Variants in UBASH3B observed in about 807,000 individuals in gnomAD.
The protein encoded by UBASH3B is ubiquitin-associated and SH3 domain-containing protein B.
Under a neutral mutation model 83.4 loss-of-function variants are expected in UBASH3B, and 37 were observed. The observed-to-expected ratio is 0.44, with a 90% CI of 0.34 to 0.58. The LOEUF is 0.58. UBASH3B is among the 20% of genes least tolerant of loss of function. The pLI is 0.01. For synonymous variants in UBASH3B, 304 were observed against 318.3 expected (o/e 0.96, Z 0.48); for missense variants, 657 against 827.2 (o/e 0.79, Z 2.52).
intron 1 of UBASH3B, among the ~76,000 whole-genome samples, chr11:122,676,891 C>T (rs571164197): frequency 4.6e-5 from 7 of 152,298 alleles, no homozygotes; most frequent in South Asian, 4.1e-4. Flanking sequence ...TTATGAAAGC[C>T]GCCTTTATCA....
chr11:122,807,186 A>G (rs551027992), intron 12 of UBASH3B, among the ~76,000 whole-genome samples: 67 of 152,326 alleles, frequency 4.4e-4, no homozygotes, highest in African/African-American at 1.5e-3. Flanking sequence ...AACATGTTCT[A>G]TCAACCAGGA....
At chr11:122,672,489 C>T (rs1863610311) in intron 1 of UBASH3B, among the ~76,000 whole-genome samples, 1 of 152,048 alleles carries the variant, frequency 6.6e-6, no homozygotes, top group African/African-American at 2.4e-5. Context: ...CCACACCCAG[C>T]TACTTTTTGT....
rs138086207 is a variant in UBASH3B at position 122,745,152 on chromosome 11, C to A, written c.162-31067C>A. 3.0e-4 allele frequency among the ~76,000 whole-genome samples: 45 copies of A among 152,308 alleles called. No individual in the cohort carries two copies. The East Asian group carries it at 6.9e-3, about 24-fold the overall frequency. On this transcript the variant is annotated intron_variant, in intron 1 of 13. Coordinates refer to ENST00000284273, the MANE Select transcript of UBASH3B (RefSeq NM_032873.5). ...CCACACTGAAAGACTCACCTCTCAG[C>A]TTGTATCTTTTTTTTCTCTCAAACT... is the stretch of plus-strand genomic sequence containing the variant.
At chr11:122,735,202 T>C (rs11218786) in intron 1 of UBASH3B, among the ~76,000 whole-genome samples, 2,962 of 152,302 alleles carry the variant, frequency 0.019, 36 homozygotes, top group Non-Finnish European at 0.03. Flanking sequence ...CAATAGCATA[T>C]ATTTCTCGTT....
chr11:122,766,936 G>A (rs1247674620), intron 1 of UBASH3B, among the ~76,000 whole-genome samples: 7 of 152,214 alleles, frequency 4.6e-5, no homozygotes, highest in East Asian at 1.9e-4. Context: ...GCTGACAGGA[G>A]TCTGGGGGAG....
intron 1 of UBASH3B, among the ~76,000 whole-genome samples, chr11:122,694,974 TTTTTTTTG>T (rs1863947160): frequency 7.6e-6 from 1 of 132,382 alleles, no homozygotes; most frequent in Non-Finnish European, 1.6e-5. Flanking sequence ...TTTTTTTTTT[TTTTTTTTG>T]AGGTGGAGTC....
At chr11:122,707,469 T>C (rs902004598) in intron 1 of UBASH3B, among the ~76,000 whole-genome samples, 1 of 152,200 alleles carries the variant, frequency 6.6e-6, no homozygotes, top group African/African-American at 2.4e-5. Flanking sequence ...GCACTTGCCA[T>C]GATAAAAGAC....
intron 1 of UBASH3B, among the ~76,000 whole-genome samples, chr11:122,707,712 T>A (rs1864140264): frequency 6.6e-6 from 1 of 152,128 alleles, no homozygotes; most frequent in South Asian, 2.1e-4. Context: ...TTATTTATTT[T>A]TTTTGAGATG....
At chr11:122,754,425 G>A (rs926469058) in intron 1 of UBASH3B, among the ~76,000 whole-genome samples, 1 of 152,220 alleles carries the variant, frequency 6.6e-6, no homozygotes, top group African/African-American at 2.4e-5. Flanking sequence ...TATTACATCT[G>A]GGAGGACATC....
At position 122,655,832 on chromosome 11, in the gene UBASH3B, C is replaced by T. The variant is rs779678247; in HGVS notation, c.-218C>T. 208 of 507,894 alleles carry T rather than the reference C, an allele frequency of 4.1e-4. No homozygotes were observed. Among genetic ancestry groups the T allele is most frequent in the Non-Finnish European group, 6.1e-4 (181 of 297,658 alleles). The allele number at this position is 507,894 out of a possible 1,614,324, so 31.5% of individuals were successfully genotyped here. A position where few individuals can be genotyped will look rare whatever the true frequency, so the allele number is the denominator to read the frequency against. On this transcript the variant is annotated 5_prime_UTR_variant, in exon 1 of 14. Transcript: ENST00000284273. The stretch of plus-strand genomic sequence containing the variant: ...GGGGGCCCGAGTGGCTGAGGCTGGT[C>T]CCGCAGCGGCCGCTTGCCGGCGTTC...
chr11:122,722,947 C>T (rs751994752), intron 1 of UBASH3B, among the ~76,000 whole-genome samples: 4 of 152,080 alleles, frequency 2.6e-5, no homozygotes, highest in African/African-American at 7.2e-5. Flanking sequence ...TCTCATGATC[C>T]GCCCATCTCG....
chr11:122,799,387 T>C (rs1861211050), intron 10 of UBASH3B, among the ~76,000 whole-genome samples: 1 of 151,182 alleles, frequency 6.6e-6, no homozygotes. Flanking sequence ...CTCGGGAGGC[T>C]GAGGCAGGAG....
intron 1 of UBASH3B, among the ~76,000 whole-genome samples, chr11:122,659,501 C>A (rs892304398): frequency 6.6e-6 from 1 of 152,140 alleles, no homozygotes; most frequent in African/African-American, 2.4e-5. Flanking sequence ...CGGCCTTCCC[C>A]CCAGTAACTT....
intron 1 of UBASH3B, among the ~76,000 whole-genome samples, chr11:122,728,872 G>C (rs1860790954): frequency 6.6e-6 from 1 of 152,196 alleles, no homozygotes; most frequent in African/African-American, 2.4e-5. Flanking sequence ...GTCAGAGCTA[G>C]AGGGTCTTAG....
chr11:122,665,354 T>A (rs1863502314), intron 1 of UBASH3B, among the ~76,000 whole-genome samples: 1 of 152,146 alleles, frequency 6.6e-6, no homozygotes, highest in Non-Finnish European at 1.5e-5. Flanking sequence ...ATTTTAAAAT[T>A]TATTTTATTT....
rs1475179233 is a variant in UBASH3B, at chr11:122,798,935, T to C, written c.1358-7T>C. On this transcript the variant is annotated splice_region_variant and splice_polypyrimidine_tract_variant and intron_variant, in intron 9 of 13. Transcript: ENST00000284273. ...TCAGACTGATTTTTTTGTGGTTTTC[T>C]TTGCAGGTGAAGCCTTATTAGAGAG... 8.7e-6 allele frequency: 14 copies of C among 1,613,416 alleles called. No homozygotes were observed. Among genetic ancestry groups the C allele is most frequent in the Non-Finnish European group, 1.1e-5 (13 of 1,179,666 alleles).
At chr11:122,779,867 C>T (rs1860820192) in intron 4 of UBASH3B, among the ~76,000 whole-genome samples, 172 bp downstream of exon 4, 2 of 152,190 alleles carry the variant, frequency 1.3e-5, no homozygotes, top group African/African-American at 2.4e-5. Context: ...CCACGTCTTG[C>T]TCCCTTGTAA....
intron 11 of UBASH3B, among the ~76,000 whole-genome samples, chr11:122,801,672 T>A (rs1056570172): frequency 1.3e-5 from 2 of 152,198 alleles, no homozygotes; most frequent in Non-Finnish European, 2.9e-5. Flanking sequence ...ATAAGGGAGA[T>A]GATGATGTCT....
At chr11:122,739,359 T>A (rs1172670943) in intron 1 of UBASH3B, among the ~76,000 whole-genome samples, 1 of 152,176 alleles carries the variant, frequency 6.6e-6, no homozygotes, top group Non-Finnish European at 1.5e-5. Context: ...AAAAAATCAC[T>A]TGTAAGCATT....
Sources: gnomAD v4.1 joint callset for allele counts (sites outside exome capture counted in the v4.1 genomes callset) on GRCh38, gnomAD v4.1.1 for gene constraint, MANE v1.5 for transcripts, NCBI Gene and HGNC (gene_info 2026-07-23, HGNC 2026-07-21) for gene names.